UGT1A5: variants seen among roughly 807,000 people sequenced by gnomAD.
UGT1A5 encodes the protein UDP-glucuronosyltransferase 1A5.
Under a neutral mutation model 40.3 loss-of-function variants are expected in UGT1A5, and 29 were observed. The ratio of observed to expected loss-of-function variants is 0.72; its 90% CI spans 0.54 to 0.98. UGT1A5 has a LOEUF of 0.98. Ranked by LOEUF, UGT1A5 falls within the 50% of genes least tolerant of loss-of-function variation. The pLI is 0.00. For synonymous variants in UGT1A5, 257 were observed against 262.5 expected (o/e 0.98, Z 0.20); for missense variants, 678 against 677.9 (o/e 1.00, Z 0.00).
Position 233,712,944 on chromosome 2 carries a change from G to C in UGT1A5, c.-48G>C, listed in dbSNP as rs768332729. ...ATTAAGACGAAGGAAACAATTCTAG[G>C]AGGCACAACGTGGGGTGGACAGTCA... On this transcript the variant is annotated 5_prime_UTR_variant, in exon 1 of 5. Transcript: ENST00000373414. The C allele has an allele frequency of 3.1e-6, 5 of 1,612,628 alleles. No homozygotes were observed. The highest frequency in any genetic ancestry group is 2.5e-6 in the Non-Finnish European group (3 of 1,180,014).
At chr2:233,755,940 ATC>A (rs35754645) in intron 1 of UGT1A5, 54,950 of 151,954 alleles carry the variant, frequency 0.36, 10,325 homozygotes, top group African/African-American at 0.45. Flanking sequence ...CAGTTTTTGC[ATC>A]TCTCTCTTTA....
intron 4 of UGT1A5, among the ~76,000 whole-genome samples, chr2:233,771,823 C>T (rs1700395813): frequency 7.3e-6 from 1 of 137,044 alleles, no homozygotes; most frequent in Non-Finnish European, 1.6e-5. Flanking sequence ...TTCCTTGCTT[C>T]CTTCCCTCCT....
In UGT1A5 at chr2:233,743,758, G is replaced by T. The variant is rs761738753; in HGVS notation, c.868-23276G>T. 5 of 1,367,210 alleles carry T rather than the reference G, an allele frequency of 3.7e-6. No homozygotes were observed. In the Admixed American group the frequency reaches 9.5e-5, roughly 26 times the overall value. 84.7% of individuals were successfully genotyped at this position (1,367,210 alleles called of 1,614,324 possible). ...GTTTCTTGGCGTCCGACAACACCTCGTAGGCCTCGGCCACCTGCTTGAATC... is the reference window on the plus strand; with the variant it reads ...GTTTCTTGGCGTCCGACAACACCTCTTAGGCCTCGGCCACCTGCTTGAATC... On this transcript the variant is annotated intron_variant, in intron 1 of 4. Coordinates refer to ENST00000373414, the MANE Select transcript of UGT1A5 (RefSeq NM_019078.2).
At chr2:233,747,328 A>C in intron 1 of UGT1A5, 1 of 1,603,802 alleles carries the variant, frequency 6.2e-7, no homozygotes, top group African/African-American at 1.3e-5. Flanking sequence ...CATTGATGGC[A>C]GCCACTGGCT....
chr2:233,741,097 A>C (rs1691564364), intron 1 of UGT1A5, among the ~76,000 whole-genome samples: 1 of 151,840 alleles, frequency 6.6e-6, no homozygotes, highest in South Asian at 2.1e-4. Flanking sequence ...ACAAGCAAAC[A>C]GACAATCAAG....
chr2:233,724,349 A>C, intron 1 of UGT1A5, among the ~76,000 whole-genome samples: 2 of 126,484 alleles, frequency 1.6e-5, no homozygotes, highest in Non-Finnish European at 1.7e-5. Flanking sequence ...GACCCCCCCC[A>C]CCTCCCTCCC....
chr2:233,736,452 G>A (rs1396481734), intron 1 of UGT1A5, among the ~76,000 whole-genome samples: 6 of 152,126 alleles, frequency 3.9e-5, no homozygotes, highest in Non-Finnish European at 7.3e-5. Flanking sequence ...CAATAGGTTC[G>A]AACATGCACT....
chr2:233,734,462 A>G (rs990660022), intron 1 of UGT1A5, among the ~76,000 whole-genome samples: 2 of 145,254 alleles, frequency 1.4e-5, no homozygotes, highest in African/African-American at 5.4e-5. Context: ...TTCAAAATCC[A>G]TCTCCTGGAT....
chr2:233,714,888 A>G (rs529971847), intron 1 of UGT1A5, among the ~76,000 whole-genome samples: 65 of 151,904 alleles, frequency 4.3e-4, no homozygotes, highest in Admixed American at 3.0e-3. Context: ...AAATTTTTCT[A>G]TCTTTTGAGA....
chr2:233,747,991 A>G (rs532442400), intron 1 of UGT1A5: 1 of 1,612,870 alleles, frequency 6.2e-7, no homozygotes, highest in Non-Finnish European at 8.5e-7. Context: ...TTCCGAGGGG[A>G]CTTTGTGATG....
At chr2:233,760,928 T>C (rs1276169722) in intron 1 of UGT1A5, 2 of 1,614,184 alleles carry the variant, frequency 1.2e-6, no homozygotes, top group Non-Finnish European at 1.7e-6. Context: ...AAGAACATGC[T>C]CATTGCCTTT....
intron 1 of UGT1A5, among the ~76,000 whole-genome samples, chr2:233,762,788 C>T (rs553369718): frequency 6.6e-6 from 1 of 151,422 alleles, no homozygotes; most frequent in East Asian, 1.9e-4. Context: ...ATTATCTACT[C>T]ATTACTCAGC....
intron 1 of UGT1A5, among the ~76,000 whole-genome samples, chr2:233,739,272 C>T (rs1444866031): frequency 6.6e-6 from 1 of 152,138 alleles, no homozygotes; most frequent in African/African-American, 2.4e-5. Flanking sequence ...AGGTTGGAGC[C>T]CCCACACAGA....
At chr2:233,754,637 G>C (rs1695540827) in intron 1 of UGT1A5, 2 of 446,646 alleles carry the variant, frequency 4.5e-6, no homozygotes, top group African/African-American at 4.1e-5. Context: ...CCCTTTCTTG[G>C]CCATTCTCAA....
At chr2:233,744,831 G>GCTAGTCTAGCAGAGTAGT (rs1692937900) in intron 1 of UGT1A5, among the ~76,000 whole-genome samples, 2 of 151,816 alleles carry the variant, frequency 1.3e-5, no homozygotes. Context: ...TTTGAGAATC[G>GCTAGTCTAGCAGAGTAGT]CTAGTCTAGC....
chr2:233,751,085 CAGG>C (rs1331758725), intron 1 of UGT1A5, among the ~76,000 whole-genome samples: 1 of 151,924 alleles, frequency 6.6e-6, no homozygotes, highest in Non-Finnish European at 1.5e-5. Context: ...TGAAGGCAGC[CAGG>C]AGGAGGGCTT....
chr2:233,766,611 C>T (rs972496643), intron 1 of UGT1A5, among the ~76,000 whole-genome samples: 4 of 152,176 alleles, frequency 2.6e-5, no homozygotes, highest in African/African-American at 4.8e-5. Flanking sequence ...ACACCCTCTT[C>T]TACCCAGCAC....
At chr2:233,766,838 C>A (rs906628829) in intron 1 of UGT1A5, among the ~76,000 whole-genome samples, 196 bp from the exon 2 acceptor site, 7 of 152,156 alleles carry the variant, frequency 4.6e-5, no homozygotes, top group African/African-American at 1.7e-4. Context: ...TAAGCAGGAA[C>A]CCTTCCTCCT....
intron 1 of UGT1A5, among the ~76,000 whole-genome samples, chr2:233,741,293 A>G (rs1691617867): frequency 6.6e-6 from 1 of 151,772 alleles, no homozygotes; most frequent in Non-Finnish European, 1.5e-5. Context: ...TATGTACCCA[A>G]TTGTGTAGAT....
Sources: allele counts gnomAD v4.1 joint callset (sites outside exome capture counted in the v4.1 genomes callset), GRCh38; gene constraint gnomAD v4.1.1; transcripts MANE v1.5; gene names NCBI Gene and HGNC (gene_info 2026-07-23, HGNC 2026-07-21).